Variants in SLC4A5 observed in about 807,000 individuals in gnomAD.
SLC4A5 encodes electrogenic sodium bicarbonate cotransporter 4.
In SLC4A5, 96 loss-of-function variants were observed where a neutral mutation model predicts 120.4. The ratio of observed to expected loss-of-function variants is 0.80; its 90% CI spans 0.68 to 0.94. The LOEUF (loss-of-function observed/expected upper bound fraction) is 0.94. Ranked by LOEUF, SLC4A5 falls within the 40% of genes least tolerant of loss-of-function variation. SLC4A5 has a pLI of 0.00. For synonymous variants in SLC4A5, 550 were observed against 571.1 expected (o/e 0.96, Z 0.53); for missense variants, 1,259 against 1,459.5 (o/e 0.86, Z 2.24).
At chr2:74,258,575 G>C (rs1262677133) in intron 12 of SLC4A5, among the ~76,000 whole-genome samples, 1 of 152,196 alleles carries the variant, frequency 6.6e-6, no homozygotes, top group East Asian at 1.9e-4. Flanking sequence ...TCCAAGTTAA[G>C]GGCTCTGGAG....
At chr2:74,239,673 G>A in intron 20 of SLC4A5, 138 bp from the exon 21 acceptor site, 1 of 772,126 alleles carries the variant, frequency 1.3e-6, no homozygotes. Context: ...TGATGTTCCT[G>A]GGGACGGGCT....
Position 74,255,811 on chromosome 2 carries a change from A to AGG in SLC4A5, c.988_989insCC (p.Met330ThrfsTer6). ...AGGCACCTCGGTCACTCCTCCCAGCATGGCCGACTGGATGAGGCGCACGAA... is the reference window on the plus strand; with the variant it reads ...AGGCACCTCGGTCACTCCTCCCAGCAGGTGGCCGACTGGATGAGGCGCACGAA... On this transcript the variant is annotated frameshift_variant, in exon 13 of 31. Transcript: ENST00000394019. LOFTEE classifies it high-confidence loss of function. This position sits in a 1 kb window ranked among gnomAD's most constrained non-coding sequence, Gnocchi z 4.0. 6.2e-7 allele frequency: 1 copy of AGG among 1,614,200 alleles called. No homozygotes were observed. The highest frequency in any genetic ancestry group is 8.5e-7 in the Non-Finnish European group (1 of 1,180,040).
chr2:74,241,947 T>A (rs199847513), intron 20 of SLC4A5, 47 bp downstream of exon 20: 1 of 1,569,056 alleles, frequency 6.4e-7, no homozygotes, highest in East Asian at 2.4e-5. Flanking sequence ...TCCCTCCTCC[T>A]ACAAACAAAA....
exon 28 of SLC4A5, chr2:74,224,862 G>T: frequency 6.2e-7 from 1 of 1,612,916 alleles, no homozygotes. Flanking sequence ...GTCCTCGTGG[G>T]CCCCTTTTTT....
At chr2:74,278,351 C>T (rs1383492137) in intron 8 of SLC4A5, among the ~76,000 whole-genome samples, 1 of 152,192 alleles carries the variant, frequency 6.6e-6, no homozygotes, top group African/African-American at 2.4e-5. Flanking sequence ...TCTGATTGTA[C>T]TATCCTGGGT....
At chr2:74,293,768 A>G (rs1004077182) in intron 7 of SLC4A5, among the ~76,000 whole-genome samples, 2 of 152,208 alleles carry the variant, frequency 1.3e-5, no homozygotes, top group Non-Finnish European at 2.9e-5. Flanking sequence ...AGCCAGTTCA[A>G]ATAGGTTTCT....
intron 8 of SLC4A5, 122 bp from the exon 9 acceptor site, chr2:74,265,386 C>T: frequency 8.5e-7 from 1 of 1,177,842 alleles, no homozygotes; most frequent in South Asian, 1.5e-5. Flanking sequence ...GGTGTTGGTC[C>T]CAGACTCACA....
chr2:74,239,251 T>C (rs1670359734), intron 21 of SLC4A5, 84 bp downstream of exon 21: 1 of 1,320,350 alleles, frequency 7.6e-7, no homozygotes, highest in Non-Finnish European at 1.1e-6. Context: ...ATGGAGTCCA[T>C]CCTGTCGGTG....
intron 8 of SLC4A5, among the ~76,000 whole-genome samples, chr2:74,278,375 GC>G (rs2104125759): frequency 6.6e-6 from 1 of 152,310 alleles, no homozygotes; most frequent in South Asian, 2.1e-4. Flanking sequence ...CCGCGTGATG[GC>G]CTTGTGTCAC....
In SLC4A5 at chr2:74,259,403, C is replaced by T. The variant is rs1386767803; in HGVS notation, c.867+185G>A. Among the ~76,000 whole-genome samples, 10 of 152,216 alleles carry T rather than the reference C, an allele frequency of 6.6e-5. 1 individual carries two copies. The highest frequency in any genetic ancestry group is 6.5e-4 in the Admixed American group (10 of 15,290). On this transcript the variant is annotated intron_variant, in intron 12 of 30. Coordinates refer to ENST00000394019, the Ensembl canonical transcript of SLC4A5. ...ACAGAGCCAGCACCTGGGACTCCGTCATTCCCCGACTACTGGCCTTGGCAA... is the reference window on the plus strand; with the variant it reads ...ACAGAGCCAGCACCTGGGACTCCGTTATTCCCCGACTACTGGCCTTGGCAA...
In SLC4A5 at chr2:74,315,999, T is replaced by C. The variant is rs555644886; in HGVS notation, c.-2-974A>G. On this transcript the variant is annotated intron_variant, in intron 5 of 30. Transcript: ENST00000394019. ...GAAGTGCTTTGCATGTATGATTTAA[T>C]TGAATCTTATCAACAATCCTATGAC... Among the ~76,000 whole-genome samples, 25 of 152,242 alleles carry C rather than the reference T, an allele frequency of 1.6e-4. No homozygotes were observed. The South Asian group carries it at 5.0e-3, about 30-fold the overall frequency.
intron 5 of SLC4A5, among the ~76,000 whole-genome samples, chr2:74,320,129 C>G (rs1326014694): frequency 6.6e-6 from 1 of 151,978 alleles, no homozygotes; most frequent in African/African-American, 2.4e-5. Context: ...TAAACAAATA[C>G]TATGACAAAA....
chr2:74,305,721 CTTTTTTTTTTTT>C (rs35627197), intron 6 of SLC4A5, among the ~76,000 whole-genome samples: 1 of 115,340 alleles, frequency 8.7e-6, no homozygotes, highest in Non-Finnish European at 1.7e-5. Flanking sequence ...CTTTTCTTTC[CTTTTTTTTTTTT>C]TTTTTTTTTG....
At chr2:74,254,622 A>G in exon 14 of SLC4A5, 1 of 1,613,812 alleles carries the variant, frequency 6.2e-7, no homozygotes, top group Non-Finnish European at 8.5e-7. Flanking sequence ...CACTTACATC[A>G]TCTACCATGA....
At chr2:74,280,445 G>A (rs11675881) in intron 8 of SLC4A5, among the ~76,000 whole-genome samples, 12,194 of 152,236 alleles carry the variant, frequency 0.08, 1,057 homozygotes, top group East Asian at 0.38. Context: ...CATCTGCCAT[G>A]TTCCATTTTT....
chr2:74,338,200 A>G, intron 3 of SLC4A5, among the ~76,000 whole-genome samples: 1 of 152,180 alleles, frequency 6.6e-6, no homozygotes, highest in East Asian at 1.9e-4. Context: ...GGAGGGAGAA[A>G]TGGAGGCAAA....
At chr2:74,245,400 T>C (rs1553453094) in intron 19 of SLC4A5, among the ~76,000 whole-genome samples, 1 of 152,208 alleles carries the variant, frequency 6.6e-6, no homozygotes, top group Non-Finnish European at 1.5e-5. Flanking sequence ...AGAAGCTATG[T>C]TTGTGTAAAA....
chr2:74,228,862 C>T (rs985836688), intron 25 of SLC4A5, among the ~76,000 whole-genome samples: 23 of 152,136 alleles, frequency 1.5e-4, no homozygotes, highest in African/African-American at 4.8e-4. Flanking sequence ...ATTCATCCCA[C>T]TCTACAAGAA....
At chr2:74,235,054 T>G in intron 22 of SLC4A5, 47 bp downstream of exon 22, 1 of 1,432,360 alleles carries the variant, frequency 7.0e-7, no homozygotes, top group East Asian at 2.3e-5. Context: ...AATCTGCAGC[T>G]GGTAGGCAGG....
Sources: gnomAD v4.1 joint callset for allele counts (sites outside exome capture counted in the v4.1 genomes callset) on GRCh38, gnomAD v4.1.1 for gene constraint, Gnocchi (gnomAD v3.1) non-coding constraint, MANE v1.5 for transcripts, NCBI Gene and HGNC (gene_info 2026-07-23, HGNC 2026-07-21) for gene names.